ANO3: variants seen among roughly 807,000 people sequenced by gnomAD.
ANO3 encodes the protein anoctamin 3.
ANO3 carries 99 observed loss-of-function variants against 144.8 expected under a neutral mutation model. That is an observed-to-expected ratio of 0.68 (90% CI 0.58 to 0.81). ANO3 has a LOEUF of 0.81. ANO3 is among the 30% of genes least tolerant of loss of function. The pLI is 0.00. For synonymous variants in ANO3, 414 were observed against 392.6 expected, an observed-to-expected ratio of 1.05 and a Z score of -0.64; for missense variants, 905 against 1,202.2, an observed-to-expected ratio of 0.75 and a Z score of 3.66.
At chr11:26,618,228 T>G (rs1215462065) in intron 17 of ANO3, among the ~76,000 whole-genome samples, 1 of 152,162 alleles carries the variant, frequency 6.6e-6, no homozygotes, top group East Asian at 1.9e-4. Context: ...GACCTTTTTT[T>G]TTTGGTTAGG....
At chr11:26,438,608 AG>A (rs1294273048) in intron 1 of ANO3, among the ~76,000 whole-genome samples, 8,782 of 118,672 alleles carry the variant, frequency 0.074, 324 homozygotes, top group Non-Finnish European at 0.12. Context: ...AAAAAAAAAA[AG>A]AAAAAAAAAA....
intron 3 of ANO3, chr11:26,459,978 C>A: frequency 6.8e-6 from 2 of 294,514 alleles, no homozygotes; most frequent in Non-Finnish European, 1.4e-5. Context: ...TCCAGTTGTG[C>A]TGTTTTGCTC....
chr11:26,235,818 AC>A (rs1238262282), intron 1 of ANO3, among the ~76,000 whole-genome samples: 1 of 143,052 alleles, frequency 7.0e-6, no homozygotes, highest in Non-Finnish European at 1.6e-5. Context: ...TCATTTGTCT[AC>A]AAATGTGAAA....
intron 4 of ANO3, among the ~76,000 whole-genome samples, chr11:26,493,696 G>A (rs1228448257): frequency 6.6e-6 from 1 of 152,070 alleles, no homozygotes; most frequent in Non-Finnish European, 1.5e-5. Flanking sequence ...GTCCAGTTCT[G>A]GACCTGAGAA....
intron 1 of ANO3, among the ~76,000 whole-genome samples, chr11:26,254,383 A>G (rs1853007806): frequency 6.6e-6 from 1 of 152,206 alleles, no homozygotes; most frequent in Non-Finnish European, 1.5e-5. Flanking sequence ...GAAATAAACT[A>G]TCTGGGCCAG....
chr11:26,593,375 A>G (rs929659639), intron 14 of ANO3, among the ~76,000 whole-genome samples: 10 of 152,152 alleles, frequency 6.6e-5, no homozygotes, highest in African/African-American at 1.4e-4. Flanking sequence ...CCCAGTCACA[A>G]CTTAGTGTCT....
intron 24 of ANO3, among the ~76,000 whole-genome samples, chr11:26,653,608 C>T (rs1385820508): frequency 1.3e-5 from 2 of 152,026 alleles, no homozygotes; most frequent in Non-Finnish European, 2.9e-5. Context: ...TCTCTGAGCT[C>T]GTTTTCCGGC....
chr11:26,431,392 A>G lies in ANO3; in HGVS notation c.47-10526A>G, dbSNP rs746571989. On this transcript the variant is annotated intron_variant, in intron 1 of 26. Coordinates refer to ENST00000256737, the MANE Select transcript of ANO3 (RefSeq NM_031418.4). ...CCCCATAACTCAGGTAGTGAGCAACACCCAATAGGTAGCTTTTCTTTAACT... is the reference window on the plus strand; with the variant it reads ...CCCCATAACTCAGGTAGTGAGCAACGCCCAATAGGTAGCTTTTCTTTAACT... Among the ~76,000 whole-genome samples the G allele has an allele frequency of 2.6e-4, 39 of 152,338 alleles. 1 individual carries two copies. Among genetic ancestry groups the G allele is most frequent in the Middle Eastern group, 3.4e-3 (1 of 294 alleles).
At chr11:26,504,582 A>G (rs1006385666) in intron 4 of ANO3, among the ~76,000 whole-genome samples, 1 of 151,802 alleles carries the variant, frequency 6.6e-6, no homozygotes, top group Non-Finnish European at 1.5e-5. Context: ...AGAAAAAAAG[A>G]TATCAGGGGA....
At chr11:26,245,080 A>T (rs916588216) in intron 1 of ANO3, among the ~76,000 whole-genome samples, 6 of 151,836 alleles carry the variant, frequency 4.0e-5, no homozygotes, top group African/African-American at 1.5e-4. Context: ...CAACTTGCAG[A>T]AAATTGTTCA....
chr11:26,314,715 G>C (rs1369936109), intron 1 of ANO3, among the ~76,000 whole-genome samples: 1 of 151,998 alleles, frequency 6.6e-6, no homozygotes, highest in Non-Finnish European at 1.5e-5. Flanking sequence ...GAGACCCCAG[G>C]GTCTCAGGGC....
chr11:26,218,500 C>T (rs1239266151), intron 1 of ANO3, among the ~76,000 whole-genome samples: 3 of 152,140 alleles, frequency 2.0e-5, no homozygotes, highest in South Asian at 2.1e-4. Context: ...TACTTCTTCC[C>T]TACGTCTTAT....
chr11:26,607,372 A>T (rs1473705653), intron 17 of ANO3, among the ~76,000 whole-genome samples: 1 of 151,980 alleles, frequency 6.6e-6, no homozygotes, highest in African/African-American at 2.4e-5. Context: ...CTGTCTTGCT[A>T]AGTTGGGGAA....
chr11:26,209,216 A>C (rs1241299137), intron 1 of ANO3, among the ~76,000 whole-genome samples: 3 of 151,908 alleles, frequency 2.0e-5, no homozygotes, highest in African/African-American at 7.3e-5. Flanking sequence ...TCATTGTTCA[A>C]CTCCCAATAT....
chr11:26,368,781 T>C (rs1856166623), intron 1 of ANO3, among the ~76,000 whole-genome samples: 1 of 152,172 alleles, frequency 6.6e-6, no homozygotes, highest in African/African-American at 2.4e-5. Flanking sequence ...GTAATTTCTA[T>C]ATAGTGATTT....
chr11:26,357,225 T>A (rs1362213024), intron 1 of ANO3, among the ~76,000 whole-genome samples: 1 of 152,218 alleles, frequency 6.6e-6, no homozygotes, highest in Non-Finnish European at 1.5e-5. Context: ...ATTTCCTTTA[T>A]CTTGGTTAAA....
intron 1 of ANO3, among the ~76,000 whole-genome samples, chr11:26,260,688 A>G (rs1564938041): frequency 6.6e-6 from 1 of 152,220 alleles, no homozygotes; most frequent in African/African-American, 2.4e-5. Flanking sequence ...CTCAACCCCA[A>G]TATAAATGTC....
chr11:26,189,451 C>T (rs959981508), intron 1 of ANO3: 2 of 483,594 alleles, frequency 4.1e-6, no homozygotes, highest in Non-Finnish European at 5.4e-6. Flanking sequence ...TAGCTGATGC[C>T]AATTTTAGTT....
intron 1 of ANO3, among the ~76,000 whole-genome samples, chr11:26,375,764 C>A (rs1037900): frequency 6.6e-6 from 1 of 151,948 alleles, no homozygotes; most frequent in Non-Finnish European, 1.5e-5. Flanking sequence ...AATTGCAAAG[C>A]TGTCACAGAC....
Sources: allele counts gnomAD v4.1 joint callset (sites outside exome capture counted in the v4.1 genomes callset), GRCh38; gene constraint gnomAD v4.1.1; transcripts MANE v1.5; gene names NCBI Gene and HGNC (gene_info 2026-07-23, HGNC 2026-07-21).